MRTFA: variants seen among roughly 807,000 people sequenced by gnomAD.
MRTFA encodes the protein myocardin-related transcription factor A.
MRTFA carries 20 observed loss-of-function variants against 83.5 expected under a neutral mutation model. The ratio of observed to expected loss-of-function variants is 0.24; its 90% confidence interval spans 0.17 to 0.35. MRTFA has a LOEUF of 0.35. MRTFA is among the 10% of genes least tolerant of loss of function. MRTFA has a pLI of 1.00. For missense variants in MRTFA, 1,200 were observed against 1,224.7 expected, an observed-to-expected ratio of 0.98 and a Z score of 0.30; for synonymous variants, 659 against 541.2, an observed-to-expected ratio of 1.22 and a Z score of -3.02.
At chr22:40,519,510 ATTT>A in intron 3 of MRTFA, 1 of 1,349,202 alleles carries the variant, frequency 7.4e-7, no homozygotes, top group South Asian at 1.2e-5. Flanking sequence ...TTCAGGAGTC[ATTT>A]TAACTCCAAC....
rs1555973802 is a variant in MRTFA, at chr22:40,459,824, T to TATAC, written c.307+3396_307+3397insGTAT. ...ACACACACACACACACACACACACA[T>TATAC]ATATACATATATATATATATATATA... is the stretch of plus-strand genomic sequence containing the variant. On this transcript the variant is annotated intron_variant, in intron 4 of 14. Transcript: ENST00000355630. Among the ~76,000 whole-genome samples the TATAC allele has an allele frequency of 4.1e-3, 229 of 56,358 alleles. 1 individual carries two copies. Among genetic ancestry groups the TATAC allele is most frequent in the African/African-American group, 0.012 (179 of 15,022 alleles). 37.0% of individuals were successfully genotyped at this position (56,358 alleles called of 152,430 possible).
chr22:40,625,222 G>C (rs1231984179), intron 1 of MRTFA, among the ~76,000 whole-genome samples: 1 of 152,012 alleles, frequency 6.6e-6, no homozygotes, highest in Non-Finnish European at 1.5e-5. Flanking sequence ...GCTCATGCCT[G>C]TAATCCCAAC....
intron 1 of MRTFA, among the ~76,000 whole-genome samples, chr22:40,607,878 G>C (rs994833548): frequency 2.0e-5 from 3 of 152,134 alleles, no homozygotes; most frequent in Non-Finnish European, 4.4e-5. Flanking sequence ...CAATTCTATT[G>C]TTTAGATGCT....
intron 12 of MRTFA, 107 bp from the exon 13 acceptor site, chr22:40,417,600 G>A (rs1014850632): frequency 4.0e-6 from 3 of 747,374 alleles, no homozygotes; most frequent in African/African-American, 3.6e-5. Context: ...TCACACTCTA[G>A]GAGGGAAGAT....
At chr22:40,524,141 T>A (rs190195858) in intron 3 of MRTFA, among the ~76,000 whole-genome samples, 60 of 152,078 alleles carry the variant, frequency 3.9e-4, no homozygotes, top group African/African-American at 1.1e-3. Flanking sequence ...TTAAAAAAAA[T>A]TTTTTTAGCT....
At position 40,423,579 on chromosome 22, in the gene MRTFA, C is replaced by T; in HGVS notation, c.884G>A (p.Gly295Glu). 1 of 1,588,972 alleles carries T rather than the reference C, an allele frequency of 6.3e-7. No individual in the cohort carries two copies. The highest frequency in any genetic ancestry group is 1.1e-5 in the South Asian group (1 of 87,402). ...GGACTTGGCAGTGGGGATAGTGGTT[C>T]CATTGGTGAGGCTGGGAGGCAGCAG... is the stretch of plus-strand genomic sequence containing the variant. Residue 295 changes from glycine (G) to glutamate (E), a missense_variant, in exon 9 of 15, where the codon GGA becomes GAA. This residue lies in a region of MRTFA where 1,107 missense variants were observed against 1,041.8 expected (regional missense o/e 1.06). Coordinates refer to ENST00000355630, the MANE Select transcript of MRTFA (RefSeq NM_020831.6).
At chr22:40,551,916 A>G (rs2055449572) in intron 3 of MRTFA, among the ~76,000 whole-genome samples, 190 bp downstream of exon 3, 1 of 152,206 alleles carries the variant, frequency 6.6e-6, no homozygotes, top group Non-Finnish European at 1.5e-5. Context: ...TTAGAAAGAA[A>G]TTATAATAAT....
At chr22:40,606,983 A>G (rs2056325167) in intron 1 of MRTFA, among the ~76,000 whole-genome samples, 2 of 152,374 alleles carry the variant, frequency 1.3e-5, no homozygotes, top group East Asian at 1.9e-4. Context: ...ACATACAAAA[A>G]TAACTATTTT....
At position 40,534,540 on chromosome 22, in the gene MRTFA, G is replaced by A. The variant is rs773394980; in HGVS notation, c.241+17566C>T. Among the ~76,000 whole-genome samples the A allele has an allele frequency of 5.9e-5, 9 of 152,164 alleles. No individual in the cohort carries two copies. In the East Asian group the frequency reaches 9.7e-4, roughly 16 times the overall value. On this transcript the variant is annotated intron_variant, in intron 3 of 14. Transcript: ENST00000355630. ...TGCAAATGTGGCTTACTGCAACCTC[G>A]ACCTTCCAGGCTCAAGTGCTCCTCC...
chr22:40,489,359 T>G (rs1162135533), intron 3 of MRTFA, among the ~76,000 whole-genome samples: 1 of 152,096 alleles, frequency 6.6e-6, no homozygotes, highest in East Asian at 1.9e-4. Context: ...TTTTTTTTTT[T>G]TTTTTATGGA....
At chr22:40,624,676 G>A (rs1483793183) in intron 1 of MRTFA, among the ~76,000 whole-genome samples, 3 of 152,086 alleles carry the variant, frequency 2.0e-5, no homozygotes, top group Non-Finnish European at 4.4e-5. Flanking sequence ...GTGAATTTTG[G>A]AAGGCATTCA....
chr22:40,590,912 T>C (rs940139143), intron 2 of MRTFA, among the ~76,000 whole-genome samples: 2 of 151,848 alleles, frequency 1.3e-5, no homozygotes, highest in Non-Finnish European at 2.9e-5. Context: ...GGCAGGCAGA[T>C]CACAAAGTCA....
At chr22:40,445,332 C>T (rs1411799872) in intron 4 of MRTFA, among the ~76,000 whole-genome samples, 2 of 152,180 alleles carry the variant, frequency 1.3e-5, no homozygotes, top group Non-Finnish European at 2.9e-5. Context: ...TTGCAGATAT[C>T]AGTTATGACA....
chr22:40,615,375 C>G (rs561132963), intron 1 of MRTFA, among the ~76,000 whole-genome samples: 1 of 152,312 alleles, frequency 6.6e-6, no homozygotes, highest in Non-Finnish European at 1.5e-5. Flanking sequence ...CTTGATTACT[C>G]TTGCTTTATA....
intron 3 of MRTFA, among the ~76,000 whole-genome samples, chr22:40,493,321 G>A (rs752795841): frequency 1.3e-4 from 20 of 152,130 alleles, no homozygotes; most frequent in Non-Finnish European, 2.1e-4. Flanking sequence ...AAAGCTAAGC[G>A]AGGCATGCAG....
At chr22:40,611,441 T>C (rs1303726314) in intron 1 of MRTFA, among the ~76,000 whole-genome samples, 4 of 150,002 alleles carry the variant, frequency 2.7e-5, no homozygotes, top group Non-Finnish European at 5.9e-5. Context: ...GACATGGTCT[T>C]ACTGTGTTGC....
At chr22:40,463,661 T>C (rs144558628) in intron 3 of MRTFA, among the ~76,000 whole-genome samples, 2 of 152,128 alleles carry the variant, frequency 1.3e-5, no homozygotes, top group African/African-American at 4.8e-5. Context: ...GCTTTCCAGA[T>C]GCTCTACGCT....
intron 1 of MRTFA, among the ~76,000 whole-genome samples, chr22:40,617,543 G>C (rs1047411811): frequency 1.3e-5 from 2 of 151,786 alleles, no homozygotes; most frequent in African/African-American, 4.8e-5. Context: ...TGGCTAACAC[G>C]GTGAAACCCC....
At chr22:40,492,125 A>G (rs949374367) in intron 3 of MRTFA, among the ~76,000 whole-genome samples, 6 of 152,106 alleles carry the variant, frequency 3.9e-5, no homozygotes, top group African/African-American at 7.2e-5. Flanking sequence ...AGCATGCTGG[A>G]GGAGATTCGA....
Sources: gnomAD v4.1 joint callset for allele counts (sites outside exome capture counted in the v4.1 genomes callset) on GRCh38, gnomAD v4.1.1 for gene constraint, gnomAD v4.1.1 regional missense constraint, MANE v1.5 for transcripts, NCBI Gene and HGNC (gene_info 2026-07-23, HGNC 2026-07-21) for gene names.